Variants in MTERF4 observed in about 807,000 individuals in gnomAD.
MTERF4 encodes the protein mitochondrial transcription termination factor 4.
In MTERF4, 17 loss-of-function variants were observed where a neutral mutation model predicts 22.5. The ratio of observed to expected loss-of-function variants is 0.75; its 90% CI spans 0.52 to 1.13. MTERF4 has a LOEUF of 1.13. Ranked by LOEUF, MTERF4 falls within the 50% of genes most tolerant of loss-of-function variation. The probability of loss-of-function intolerance (pLI) is 0.00; values close to 1 mark genes in which losing one functional copy is unlikely to be tolerated. For missense variants in MTERF4, 420 were observed against 466.8 expected (o/e 0.90, Z 0.92); for synonymous variants, 165 against 175.3 (o/e 0.94, Z 0.47).
chr2:241,045,734 A>G, the MTERF4 span, among the ~76,000 whole-genome samples: 1 of 151,754 alleles, frequency 6.6e-6, no homozygotes, highest in African/African-American at 2.4e-5. Flanking sequence ...AAAATTTATG[A>G]CCTGGTCTTA....
the MTERF4 span, among the ~76,000 whole-genome samples, chr2:241,047,568 C>G: frequency 5.3e-5 from 8 of 152,038 alleles, no homozygotes; most frequent in Non-Finnish European, 1.2e-4. Flanking sequence ...AAGTAAGGCC[C>G]AATACATTGA....
downstream of MTERF4, chr2:241,088,112 C>T (rs1575143068): frequency 2.0e-6 from 1 of 498,748 alleles, no homozygotes; most frequent in Non-Finnish European, 3.5e-6. Context: ...CCACGTCCAT[C>T]CTCTCTCTCT....
chr2:241,059,529 A>G, the MTERF4 span, among the ~76,000 whole-genome samples: 6 of 152,230 alleles, frequency 3.9e-5, no homozygotes, highest in Non-Finnish European at 8.8e-5. Context: ...AGACACAACA[A>G]TCCAAACAAA....
At chr2:241,079,550 A>G (rs1382668725) in intron 4 of MTERF4, among the ~76,000 whole-genome samples, 1 of 152,094 alleles carries the variant, frequency 6.6e-6, no homozygotes, top group South Asian at 2.1e-4. Flanking sequence ...TCACTAAATG[A>G]GGAGGGAAAG....
chr2:241,067,786 C>T (rs750678098), downstream of MTERF4: 26 of 1,610,636 alleles, frequency 1.6e-5, no homozygotes, highest in South Asian at 1.8e-4. Flanking sequence ...TGGAAGGCTT[C>T]GAGGTCACCA....
chr2:241,070,328 A>G, downstream of MTERF4: 1 of 1,007,444 alleles, frequency 9.9e-7, no homozygotes. Context: ...GGACCGTGTT[A>G]GCAGGGGAGG....
chr2:241,052,513 GCCAGGCAGGTGAGATGGCCAGGGCCC>G, the MTERF4 span: 3 of 1,454,446 alleles, frequency 2.1e-6, no homozygotes, highest in African/African-American at 4.7e-5. Context: ...GGATACCAGT[GCCAGGCAGGTGAGATGGCCAGGGCCC>G]AAGCAGGGTA....
At chr2:241,067,698 T>C, downstream of MTERF4, 1 of 1,405,972 alleles carries the variant, frequency 7.1e-7, no homozygotes, top group Non-Finnish European at 9.8e-7. Flanking sequence ...GGTTTCATCT[T>C]GAGCCCCTGC....
intron 2 of MTERF4, 122 bp from the exon 3 acceptor site, chr2:241,097,549 G>GC (rs1214980544): frequency 1.1e-6 from 1 of 891,086 alleles, no homozygotes; most frequent in East Asian, 2.5e-5. Flanking sequence ...CTTCCACAGA[G>GC]CAAGTGGCAA....
chr2:241,090,038 A>T, downstream of MTERF4: 1 of 1,545,364 alleles, frequency 6.5e-7, no homozygotes, highest in Non-Finnish European at 8.7e-7. Flanking sequence ...ACAATAATAA[A>T]TTAGTCCTGC....
downstream of MTERF4, chr2:241,069,905 T>TCCTGCCTCATCCAGGGCC: frequency 3.1e-6 from 5 of 1,609,968 alleles, no homozygotes; most frequent in Non-Finnish European, 4.2e-6. The surrounding 1 kb of genome is among the most constrained non-coding windows in gnomAD (Gnocchi z 4.9). Context: ...CTCTCCCTGC[T>TCCTGCCTCATCCAGGGCC]CCTGCCTCAT....
downstream of MTERF4, chr2:241,071,318 A>G: frequency 1.8e-6 from 1 of 568,378 alleles, no homozygotes; most frequent in South Asian, 2.1e-5. Context: ...GCCCTGCCTC[A>G]TGACTCCCAG....
downstream of MTERF4, chr2:241,068,812 C>G: frequency 1.2e-6 from 1 of 802,062 alleles, no homozygotes; most frequent in Non-Finnish European, 2.0e-6. This position sits in a 1 kb window ranked among gnomAD's most constrained non-coding sequence, Gnocchi z 5.3. Flanking sequence ...GATGACCTCC[C>G]CGCAGTCACC....
chr2:241,096,063 C>T lies in MTERF4; in HGVS notation c.1081G>A (p.Asp361Asn), dbSNP rs751442054. The T allele has an allele frequency of 8.6e-5, 138 of 1,613,254 alleles. No individual in the cohort carries two copies. The highest frequency in any genetic ancestry group is 1.1e-4 in the Non-Finnish European group (129 of 1,179,656). ...NDEDDNDEDD[D>N]DEDDDEAEDN... ...TCCGCCTCGTCGTCGTCCTCATCAT[C>T]GTCATCCTCATCATTGTCATCCTCA... Residue 361 changes from aspartate (D) to asparagine (N), a missense_variant, in exon 4 of 4, where the codon GAT (aspartate) becomes AAT (asparagine). Coordinates refer to ENST00000391980, the MANE Select transcript of MTERF4 (RefSeq NM_182501.4). The surrounding 1 kb of genome is among the most constrained non-coding windows in gnomAD (Gnocchi z 5.1).
chr2:241,089,438 T>C (rs537995043), downstream of MTERF4: 17 of 1,548,376 alleles, frequency 1.1e-5, no homozygotes, highest in Admixed American at 2.0e-5. Flanking sequence ...TTTTCAGATA[T>C]AGGCTCACAC....
the MTERF4 span, among the ~76,000 whole-genome samples, chr2:241,054,066 C>T: frequency 6.6e-6 from 1 of 152,162 alleles, no homozygotes; most frequent in East Asian, 1.9e-4. Flanking sequence ...GGCCAACCTG[C>T]GTGGTCTCAG....
intron 3 of MTERF4, 177 bp downstream of exon 3, chr2:241,097,066 G>A (rs1225054317): frequency 2.6e-5 from 17 of 661,578 alleles, no homozygotes; most frequent in Middle Eastern, 5.6e-4. Flanking sequence ...ACTCAAATAT[G>A]AGGTGTCCGA....
At chr2:241,094,104 A>G, downstream of MTERF4, 1 of 350,928 alleles carries the variant, frequency 2.8e-6, no homozygotes, top group East Asian at 7.8e-5. The surrounding 1 kb of genome is among the most constrained non-coding windows in gnomAD (Gnocchi z 4.3). Flanking sequence ...GCACAGTGAA[A>G]TGTCTCATTT....
chr2:241,078,180 C>A (rs1489554686), intron 4 of MTERF4, among the ~76,000 whole-genome samples: 1 of 149,692 alleles, frequency 6.7e-6, no homozygotes, highest in Non-Finnish European at 1.5e-5. Flanking sequence ...GTCAGGCGTT[C>A]GAGACAAGTC....
Sources: gnomAD v4.1 joint callset for allele counts (sites outside exome capture counted in the v4.1 genomes callset) on GRCh38, gnomAD v4.1.1 for gene constraint, Gnocchi (gnomAD v3.1) non-coding constraint, MANE v1.5 for transcripts, NCBI Gene and HGNC (gene_info 2026-07-23, HGNC 2026-07-21) for gene names.